Variants in TMF1 observed in about 807,000 individuals in gnomAD.
TMF1 encodes the protein TATA element modulatory factor.
A neutral mutation model predicts 126.5 loss-of-function variants in TMF1; 71 were observed. The observed-to-expected ratio is 0.56, with a 90% CI of 0.46 to 0.68. The LOEUF is 0.68. Among genes scored for constraint, TMF1 ranks in the 30% least tolerant of loss-of-function variants. The pLI, the probability that TMF1 is intolerant of heterozygous loss-of-function variation, is 0.00. For synonymous variants in TMF1, 461 were observed against 430.5 expected, an observed-to-expected ratio of 1.07 and a Z score of -0.88; for missense variants, 1,259 against 1,253.2, an observed-to-expected ratio of 1.00 and a Z score of -0.07.
chr3:69,032,654 A>C (rs2091809577), intron 10 of TMF1, among the ~76,000 whole-genome samples: 2 of 142,682 alleles, frequency 1.4e-5, no homozygotes, highest in South Asian at 4.4e-4. Context: ...TCTGTCACCC[A>C]GGCTGGAGTG....
chr3:69,037,404 C>CG (rs1362554482), intron 8 of TMF1, among the ~76,000 whole-genome samples: 13 of 152,050 alleles, frequency 8.5e-5, no homozygotes. Flanking sequence ...CTTTGGGAGG[C>CG]GGAGGCGGGT....
intron 8 of TMF1, among the ~76,000 whole-genome samples, chr3:69,036,740 AAT>A (rs1296702514): frequency 1.3e-5 from 2 of 152,212 alleles, no homozygotes; most frequent in African/African-American, 4.8e-5. Context: ...AGTCAATAAA[AAT>A]AGTTTTCTCA....
rs190551525 is a variant in TMF1, at chr3:69,046,813, A to G, written c.1347+545T>C. On this transcript the variant is annotated intron_variant, in intron 2 of 16. Transcript: ENST00000398559. Reference sequence around the variant, plus strand: ...GAGATCTCAAAAATAACATAAGCAGAAAACAAACTGAAGCAATATAAGGAT... The same window carrying G: ...GAGATCTCAAAAATAACATAAGCAGGAAACAAACTGAAGCAATATAAGGAT... 5.4e-3 allele frequency among the ~76,000 whole-genome samples: 828 copies of G among 152,322 alleles called. 9 individuals are homozygous for G. The highest frequency in any genetic ancestry group is 0.019 in the African/African-American group (775 of 41,578).
At chr3:69,045,151 A>C (rs556730464) in intron 2 of TMF1, among the ~76,000 whole-genome samples, 2 of 152,240 alleles carry the variant, frequency 1.3e-5, no homozygotes, top group South Asian at 4.1e-4. Context: ...AAAATATGAC[A>C]TATTGCATTT....
At position 69,025,700 on chromosome 3, in the gene TMF1, C is replaced by G. The variant is rs761268611; in HGVS notation, c.2872G>C (p.Asp958His). 1 of 1,613,260 alleles carries G rather than the reference C, an allele frequency of 6.2e-7. No individual in the cohort carries two copies. Among genetic ancestry groups the G allele is most frequent in the African/African-American group, 1.3e-5 (1 of 74,876 alleles). The change falls in exon 15 of 17, where the codon GAT becomes CAT. Residue 958 changes from aspartate (D) to histidine (H), a missense_variant. Transcript: ENST00000398559. Reference protein sequence around the residue: ...TSFLSQDESHDHSFGPMPISA... With the variant: ...TSFLSQDESHHHSFGPMPISA... The stretch of plus-strand genomic sequence containing the variant: ...ATAGGCATTGGTCCAAATGAGTGAT[C>G]ATGAGACTCATCCTATGTTAATTAA...
At chr3:69,023,960 A>G in intron 16 of TMF1, 95 bp downstream of exon 16, 1 of 1,209,466 alleles carries the variant, frequency 8.3e-7, no homozygotes, top group Non-Finnish European at 1.1e-6. Flanking sequence ...TAATTTTCAA[A>G]TAAATCACTA....
chr3:69,043,763 T>C lies in TMF1; in HGVS notation c.1565A>G (p.Asp522Gly), dbSNP rs2091880281. Residue 522 changes from aspartate (D) to glycine (G), a missense_variant, in exon 4 of 17, where the codon GAT (aspartate) becomes GGT (glycine). Asp to Gly is a moderately conservative substitution (Grantham distance 94). Coordinates refer to ENST00000398559, the MANE Select transcript of TMF1 (RefSeq NM_007114.3). ...KKVQLACKERDAAKKEIKNIK... is the reference protein window; with the variant it reads ...KKVQLACKERGAAKKEIKNIK... ...AATTTCAATTACCTTTTTAGCAGCA[T>C]CTCTCTCTTTGCAGGCTAGTTGAAC... 6.2e-7 allele frequency: 1 copy of C among 1,607,746 alleles called. No homozygotes were observed. The highest frequency in any genetic ancestry group is 8.5e-7 in the Non-Finnish European group (1 of 1,177,456).
rs373677617 is a variant in TMF1, at chr3:69,023,282, A to G, written c.3177T>C (p.Tyr1059=). 7.4e-6 allele frequency: 12 copies of G among 1,612,140 alleles called. No individual in the cohort carries two copies. The highest frequency in any genetic ancestry group is 1.7e-5 in the Admixed American group (1 of 59,840). The part of the protein sequence containing the change: ...DQRYNTILQM[Y]GEKAEEAEEL... ...CTTCTGCCTCTTCTGCTTTTTCTCC[A>G]TACATCTGCAGAATAGTGTTGTACC... is the stretch of plus-strand genomic sequence containing the variant. The change falls in exon 17 of 17, where the codon TAT becomes TAC. Residue 1059 remains tyrosine, a synonymous_variant. Transcript: ENST00000398559.
chr3:69,036,496 G>A (rs1322332270), intron 8 of TMF1, among the ~76,000 whole-genome samples: 1 of 152,228 alleles, frequency 6.6e-6, no homozygotes, highest in Non-Finnish European at 1.5e-5. Context: ...ATAAGCGAAT[G>A]TGTATGTACG....
At position 69,051,959 on chromosome 3, in the gene TMF1, G is replaced by A; in HGVS notation, c.128C>T (p.Pro43Leu). 1 of 1,613,388 alleles carries A rather than the reference G, an allele frequency of 6.2e-7. No individual in the cohort carries two copies. Among genetic ancestry groups the A allele is most frequent in the Non-Finnish European group, 8.5e-7 (1 of 1,179,664 alleles). The change falls in exon 1 of 17, where the codon CCG becomes CTG. Residue 43 changes from proline (P) to leucine (L), a missense_variant. Transcript: ENST00000398559. ...EEPSIWAETIPYGEPGISSPV... is the reference protein window; with the variant it reads ...EEPSIWAETILYGEPGISSPV... ...CTCTCTCTTACCCGGCTCTCCATAC[G>A]GAATGGTCTCGGCCCAGATGCTCGG...
intron 1 of TMF1, among the ~76,000 whole-genome samples, chr3:69,050,034 C>T (rs1394028159): frequency 1.3e-5 from 2 of 151,792 alleles, no homozygotes; most frequent in Non-Finnish European, 2.9e-5. Flanking sequence ...CCGAGGCGGG[C>T]GGACCACCTG....
In TMF1 at chr3:69,047,982, T is replaced by C. The variant is rs781243067; in HGVS notation, c.723A>G (p.Thr241=). The part of the protein sequence containing the change: ...EQKHEDRQSN[T]PSPPVSTFSS... ...AAAAGGTACTAACAGGAGGAGAAGG[T>C]GTATTGCTCTGCCTGTCTTCATGTT... Residue 241 remains threonine (T), a synonymous_variant, in exon 2 of 17, where the codon ACA becomes ACG. Coordinates refer to ENST00000398559, the MANE Select transcript of TMF1 (RefSeq NM_007114.3). The C allele has an allele frequency of 1.2e-5, 20 of 1,613,842 alleles. No homozygotes were observed. Among genetic ancestry groups the C allele is most frequent in the Non-Finnish European group, 1.7e-5 (20 of 1,180,022 alleles).
In TMF1 at chr3:69,033,693, T is replaced by C. The variant is rs534088934; in HGVS notation, c.2256A>G (p.Glu752=). The C allele has an allele frequency of 6.2e-7, 1 of 1,607,794 alleles. No homozygotes were observed. Among genetic ancestry groups the C allele is most frequent in the African/African-American group, 1.3e-5 (1 of 74,688 alleles). ...EIGELQQRLQ[E]AENRNQELSQ... The stretch of plus-strand genomic sequence containing the variant: ...TCAGTTCCTGGTTTCGATTCTCTGC[T>C]TCCTGGAGTCTCTGAATCATGAAAT... The change falls in exon 10 of 17, where the codon GAA becomes GAG. Residue 752 remains glutamate, a synonymous_variant. Transcript: ENST00000398559.
Position 69,021,084 on chromosome 3 carries a change from TA to T in TMF1, c.*2092del, listed in dbSNP as rs2091726761. 6.6e-6 allele frequency: 1 copy of T among 152,166 alleles called. No individual in the cohort carries two copies. The highest frequency in any genetic ancestry group is 2.4e-5 in the African/African-American group (1 of 41,450). The allele number at this position is 152,166 out of a possible 1,614,324, so 9.4% of individuals were successfully genotyped here. ...CAACCACAGTCTGATTACAGGTGAGTACAGTACAATAAGATATTTTGAGAGA... is the reference window on the plus strand; with the variant it reads ...CAACCACAGTCTGATTACAGGTGAGTCAGTACAATAAGATATTTTGAGAGA... On this transcript the variant is annotated 3_prime_UTR_variant, in exon 17 of 17. Coordinates refer to ENST00000398559, the MANE Select transcript of TMF1 (RefSeq NM_007114.3).
At chr3:69,036,155 AAAAACCTC>A (rs1253219857) in intron 8 of TMF1, among the ~76,000 whole-genome samples, 1 of 152,176 alleles carries the variant, frequency 6.6e-6, no homozygotes, top group Non-Finnish European at 1.5e-5. Context: ...GATATTTTTT[AAAAACCTC>A]TATGTTTTAC....
intron 4 of TMF1, 74 bp from the exon 5 acceptor site, chr3:69,042,986 T>C: frequency 9.5e-7 from 1 of 1,050,894 alleles, no homozygotes. Flanking sequence ...TTCTCCCCCA[T>C]CCAAAGAAGC....
Position 69,027,991 on chromosome 3 carries a change from G to C in TMF1, c.2666C>G (p.Thr889Arg). 2.0e-6 allele frequency: 3 copies of C among 1,522,670 alleles called. No homozygotes were observed. The highest frequency in any genetic ancestry group is 2.7e-6 in the Non-Finnish European group (3 of 1,104,580). The allele number at this position is 1,522,670 out of a possible 1,614,324, so 94.3% of individuals were successfully genotyped here. A position where few individuals can be genotyped will look rare whatever the true frequency, so the allele number is the denominator to read the frequency against. Residue 889 changes from threonine to arginine, a missense_variant and splice_region_variant, in exon 13 of 17, where the codon ACA (threonine) becomes AGA (arginine). Physicochemically the swap from Thr to Arg is moderately conservative, Grantham distance 71. Coordinates refer to ENST00000398559, the MANE Select transcript of TMF1 (RefSeq NM_007114.3). Reference sequence around the variant, plus strand: ...CATTTCTAACTGACTATTCAACAATGTCTAATAGAGAGAAATAAAGTTAGA... The same window carrying C: ...CATTTCTAACTGACTATTCAACAATCTCTAATAGAGAGAAATAAAGTTAGA... ...RTLEETRKEK[T>R]LLNSQLEMER...
At position 69,043,978 on chromosome 3, in the gene TMF1, T is replaced by C. The variant is rs2091881194; in HGVS notation, c.1452-102A>G. The C allele has an allele frequency of 2.1e-5, 19 of 912,710 alleles. 1 individual carries two copies. The South Asian group carries it at 2.9e-4, about 14-fold the overall frequency. 56.5% of individuals were successfully genotyped at this position (912,710 alleles called of 1,614,324 possible). ...AGGAAGATAACTTTTCTCTGACATA[T>C]ACCTTATTAAAATAGAACAGTTTTA... On this transcript the variant is annotated intron_variant, in intron 3 of 16. Transcript: ENST00000398559.
chr3:69,033,344 T>C (rs979076784), intron 10 of TMF1, among the ~76,000 whole-genome samples: 23 of 150,794 alleles, frequency 1.5e-4, no homozygotes, highest in Admixed American at 8.6e-4. Context: ...TCTGATACCA[T>C]TGTGTAATGG....
Sources: gnomAD v4.1 joint callset for allele counts (sites outside exome capture counted in the v4.1 genomes callset) on GRCh38, gnomAD v4.1.1 for gene constraint, MANE v1.5 for transcripts, NCBI Gene and HGNC (gene_info 2026-07-23, HGNC 2026-07-21) for gene names.